ENOX2: variants seen among roughly 807,000 people sequenced by gnomAD.
ENOX2 encodes the protein ecto-NOX disulfide-thiol exchanger 2, also known as APK1 antigen.
ENOX2 carries 36 observed loss-of-function variants against 45.0 expected under a neutral mutation model. That is an observed-to-expected ratio of 0.80 (90% CI 0.61 to 1.06). ENOX2 has a LOEUF of 1.06. ENOX2 is among the 50% of genes least tolerant of loss of function. ENOX2 has a pLI of 0.00. For missense variants in ENOX2, 423 were observed against 462.5 expected (o/e 0.91, Z 0.78); for synonymous variants, 174 against 152.3 (o/e 1.14, Z -1.05).
At chrX:130,645,656 C>T in intron 10 of ENOX2, 2 of 455,824 alleles carry the variant, frequency 4.4e-6, no homozygotes, top group Admixed American at 4.1e-5. Context: ...ATGGGGCTGC[C>T]CAGCACCTAA....
At chrX:130,855,769 T>C (rs1219440428) in intron 2 of ENOX2, among the ~76,000 whole-genome samples, 6 of 111,548 alleles carry the variant, frequency 5.4e-5, no homozygotes, top group Non-Finnish European at 7.5e-5. Flanking sequence ...GACTATTAAG[T>C]AGATGAAAAG....
At chrX:130,879,578 A>G (rs756543285) in intron 2 of ENOX2, among the ~76,000 whole-genome samples, 2 of 111,640 alleles carry the variant, frequency 1.8e-5, no homozygotes, top group South Asian at 7.6e-4. Context: ...GCTTTCTAAG[A>G]GCAGTGTTTC....
At chrX:130,703,367 A>G in intron 3 of ENOX2, 113 bp from the exon 4 acceptor site, 1 of 728,026 alleles carries the variant, frequency 1.4e-6, no homozygotes, top group Non-Finnish European at 2.0e-6. Flanking sequence ...AGAAATGGAC[A>G]AGTGGTGGAT....
In ENOX2 at chrX:130,819,929, A is replaced by G. The variant is rs578095826; in HGVS notation, c.-182-36239T>C. Among the ~76,000 whole-genome samples the G allele has an allele frequency of 1.2e-4, 14 of 112,134 alleles. No homozygotes were observed. The Admixed American group carries it at 1.3e-3, about 11-fold the overall frequency. On this transcript the variant is annotated intron_variant, in intron 2 of 14. Transcript: ENST00000394363. ...TGGTCTGGGCAATGATTTTAGGGAT[A>G]GGACCCCAAAAGCACACAACAAAAA...
chrX:130,683,619 C>G (rs1475352186), intron 5 of ENOX2, among the ~76,000 whole-genome samples: 4 of 111,190 alleles, frequency 3.6e-5, no homozygotes, highest in Non-Finnish European at 7.5e-5. Flanking sequence ...CAAAATGTAA[C>G]CTCTCCATAG....
intron 2 of ENOX2, among the ~76,000 whole-genome samples, chrX:130,835,862 G>A (rs759196970): frequency 2.4e-4 from 27 of 112,401 alleles, no homozygotes; most frequent in Non-Finnish European, 4.1e-4. Flanking sequence ...AACTTACACC[G>A]AAAGCAACTC....
chrX:130,720,937 G>C (rs1017157534), intron 3 of ENOX2, among the ~76,000 whole-genome samples: 2 of 111,903 alleles, frequency 1.8e-5, no homozygotes, highest in Non-Finnish European at 3.8e-5. Context: ...GCACATTCCC[G>C]CATGAATGTT....
chrX:130,719,013 G>A (rs1366045192), intron 3 of ENOX2, among the ~76,000 whole-genome samples: 11 of 111,946 alleles, frequency 9.8e-5, no homozygotes, highest in African/African-American at 2.6e-4. Context: ...ATCAGTTTGC[G>A]CCTGAGGAAC....
chrX:130,896,205 T>C (rs2079057351), intron 2 of ENOX2, among the ~76,000 whole-genome samples: 1 of 111,480 alleles, frequency 9.0e-6, no homozygotes, highest in South Asian at 3.8e-4. Flanking sequence ...GCTGACACAA[T>C]CATAACTCTC....
In ENOX2 at chrX:130,716,083, T is replaced by C. The variant is rs772924756; in HGVS notation, c.-38-12829A>G. 4.5e-5 allele frequency among the ~76,000 whole-genome samples: 5 copies of C among 111,406 alleles called. No homozygotes were observed. In the South Asian group the frequency reaches 1.5e-3, roughly 34 times the overall value. On this transcript the variant is annotated intron_variant, in intron 3 of 14. Transcript: ENST00000394363. ...AAAATACCAGTACAGGAACCAGCCATTAATAATATTAGATTGGTGCAAAAG... is the reference window on the plus strand; with the variant it reads ...AAAATACCAGTACAGGAACCAGCCACTAATAATATTAGATTGGTGCAAAAG...
intron 2 of ENOX2, among the ~76,000 whole-genome samples, chrX:130,872,516 T>C (rs1349143421): frequency 1.8e-5 from 2 of 111,913 alleles, no homozygotes; most frequent in Admixed American, 9.5e-5. Flanking sequence ...ATTCCTAACC[T>C]ACCTCTGCAT....
intron 2 of ENOX2, among the ~76,000 whole-genome samples, chrX:130,811,732 AAT>A (rs1485120777): frequency 8.9e-6 from 1 of 112,956 alleles, no homozygotes; most frequent in Non-Finnish European, 1.9e-5. Flanking sequence ...AAAGATTTAT[AAT>A]ATGTCTGACA....
At chrX:130,684,006 G>A (rs188153699) in intron 5 of ENOX2, among the ~76,000 whole-genome samples, 1 of 112,025 alleles carries the variant, frequency 8.9e-6, no homozygotes, top group East Asian at 2.8e-4. Context: ...TTTAGTGGTG[G>A]AGAGCTGGGA....
In ENOX2 at chrX:130,835,805, A is replaced by G. The variant is rs979899743; in HGVS notation, c.-182-52115T>C. ...TCTACCATTCTATTACTCTACTGAA[A>G]TAAGTTATGTCACATAAATTACCAT... On this transcript the variant is annotated intron_variant, in intron 2 of 14. Coordinates refer to ENST00000394363, the MANE Select transcript of ENOX2 (RefSeq NM_006375.4). 5.4e-5 allele frequency among the ~76,000 whole-genome samples: 6 copies of G among 112,004 alleles called. No individual in the cohort carries two copies. In the Admixed American group the frequency reaches 5.7e-4, roughly 11 times the overall value.
chrX:130,789,411 T>C (rs953727245), intron 2 of ENOX2, among the ~76,000 whole-genome samples: 3 of 112,106 alleles, frequency 2.7e-5, no homozygotes, highest in Non-Finnish European at 5.6e-5. Context: ...CAGGTTGTAA[T>C]ACCAAAATGT....
chrX:130,709,384 A>G, intron 3 of ENOX2: 1 of 835,060 alleles, frequency 1.2e-6, no homozygotes, highest in South Asian at 2.1e-5. Flanking sequence ...ATGCTTGTAA[A>G]TCCCAGCACT....
intron 3 of ENOX2, among the ~76,000 whole-genome samples, chrX:130,704,990 G>C (rs2037999924): frequency 8.9e-6 from 1 of 112,434 alleles, no homozygotes; most frequent in Non-Finnish European, 1.9e-5. Flanking sequence ...ACAAATATGG[G>C]ATGCTGAATA....
At chrX:130,638,966 G>A (rs1230679291) in intron 10 of ENOX2, among the ~76,000 whole-genome samples, 1 of 111,230 alleles carries the variant, frequency 9.0e-6, no homozygotes, top group African/African-American at 3.3e-5. Flanking sequence ...CAGCCTGAGT[G>A]ACAGAGTGAG....
At chrX:130,893,060 C>T (rs1028579667) in intron 2 of ENOX2, among the ~76,000 whole-genome samples, 1 of 111,651 alleles carries the variant, frequency 9.0e-6, no homozygotes, top group African/African-American at 3.3e-5. Flanking sequence ...TATTCAACCA[C>T]AAGTGTTTCA....
Sources: allele counts gnomAD v4.1 joint callset (sites outside exome capture counted in the v4.1 genomes callset), GRCh38; gene constraint gnomAD v4.1.1; transcripts MANE v1.5; gene names NCBI Gene and HGNC (gene_info 2026-07-23, HGNC 2026-07-21).